The following SEC14L4 variants were observed in gnomAD, a reference collection of about 807,000 sequenced individuals.
The protein encoded by SEC14L4 is SEC14 like lipid binding 4, also known as SEC14-like protein 4.
SEC14L4 carries 42 observed loss-of-function variants against 55.1 expected under a neutral mutation model. That is an observed-to-expected ratio of 0.76 (90% CI 0.60 to 0.99). SEC14L4 has a LOEUF of 0.99. Ranked by LOEUF, SEC14L4 falls within the 50% of genes least tolerant of loss-of-function variation. The pLI is 0.00. For missense variants in SEC14L4, 445 were observed against 512.1 expected, an observed-to-expected ratio of 0.87 and a Z score of 1.27; for synonymous variants, 206 against 206.8, an observed-to-expected ratio of 1.00 and a Z score of 0.03.
In SEC14L4 at chr22:30,492,468, GC is replaced by G. The variant is rs772988848; in HGVS notation, c.664+5del. 2 of 1,611,678 alleles carry G rather than the reference GC, an allele frequency of 1.2e-6. No individual in the cohort carries two copies. Among genetic ancestry groups the G allele is most frequent in the African/African-American group, 2.7e-5 (2 of 74,874 alleles). On this transcript the variant is annotated splice_donor_5th_base_variant and intron_variant, in intron 8 of 11. Coordinates refer to ENST00000255858, the MANE Select transcript of SEC14L4 (RefSeq NM_174977.4). ...ATGGACACAACCAGGGGGCCACGTC[GC>G]TCACCTCCCAGAATCACAATCTTCC...
intron 5 of SEC14L4, 68 bp downstream of exon 5, chr22:30,495,186 G>A (rs1936099051): frequency 2.1e-6 from 3 of 1,424,382 alleles, no homozygotes; most frequent in African/African-American, 2.8e-5. Context: ...GGGGCAGGGT[G>A]CCACCCTTCT....
In SEC14L4 at chr22:30,495,518, G is replaced by A. The variant is rs1423634609; in HGVS notation, c.234+65C>T. 3.1e-6 allele frequency: 5 copies of A among 1,608,110 alleles called. No homozygotes were observed. In the Admixed American group the frequency reaches 6.7e-5, roughly 21 times the overall value. ...CCTACTCCATCAGGTGGCTGGACGT[G>A]GTAGGTGGGAGATGTCAGGGGTGAG... On this transcript the variant is annotated intron_variant, in intron 4 of 11. Transcript: ENST00000255858.
At chr22:30,494,777 T>C in intron 6 of SEC14L4, 89 bp downstream of exon 6, 1 of 854,600 alleles carries the variant, frequency 1.2e-6, no homozygotes, top group Non-Finnish European at 2.0e-6. Flanking sequence ...CACCCCTCTA[T>C]CTCACTGGAT....
At chr22:30,490,276 A>G (rs1935910387) in intron 11 of SEC14L4, 30 bp from the exon 12 acceptor site, 10 of 1,609,236 alleles carry the variant, frequency 6.2e-6, no homozygotes, top group South Asian at 2.2e-5. Flanking sequence ...ATCAGGGAGC[A>G]CAAACCCCGC....
At chr22:30,493,768 C>A (rs558904379) in intron 7 of SEC14L4, among the ~76,000 whole-genome samples, 1 of 152,262 alleles carries the variant, frequency 6.6e-6, no homozygotes, top group South Asian at 2.1e-4. Flanking sequence ...CTGTGGGAGG[C>A]CGAAGTGGCT....
At chr22:30,502,174 G>GA (rs921731542) in intron 2 of SEC14L4, among the ~76,000 whole-genome samples, 6 of 150,732 alleles carry the variant, frequency 4.0e-5, no homozygotes, top group South Asian at 2.1e-4. Flanking sequence ...CCAAAATATT[G>GA]AAAAAAAACA....
intron 2 of SEC14L4, among the ~76,000 whole-genome samples, chr22:30,501,832 T>C (rs974179469): frequency 3.4e-5 from 4 of 118,564 alleles, no homozygotes; most frequent in Admixed American, 1.0e-4. Flanking sequence ...TATATATATA[T>C]ACACACACAC....
rs76073588 is a variant in SEC14L4 at position 30,491,568 on chromosome 22, C to G, written c.1081+5G>C. ...AACAATTCCAGTAAACCCCGCAGCT[C>G]TTACAGACGCCAGCCTGGAGGCAGG... On this transcript the variant is annotated splice_donor_5th_base_variant and intron_variant, in intron 11 of 11. Coordinates refer to ENST00000255858, the MANE Select transcript of SEC14L4 (RefSeq NM_174977.4). 6.2e-7 allele frequency: 1 copy of G among 1,614,096 alleles called. No individual in the cohort carries two copies. The highest frequency in any genetic ancestry group is 1.1e-5 in the South Asian group (1 of 91,078).
intron 2 of SEC14L4, among the ~76,000 whole-genome samples, chr22:30,502,476 C>T (rs1405610709): frequency 1.3e-5 from 2 of 152,202 alleles, no homozygotes; most frequent in East Asian, 3.8e-4. Flanking sequence ...TGACTTCTCA[C>T]TCATCTCAAG....
At position 30,492,547 on chromosome 22, in the gene SEC14L4, C is replaced by G; in HGVS notation, c.591G>C (p.Leu197=). 6.2e-7 allele frequency: 1 copy of G among 1,613,096 alleles called. No homozygotes were observed. Residue 197 remains leucine, a synonymous_variant, in exon 8 of 12, where the codon CTG becomes CTC. Transcript: ENST00000255858. ...KNLIVIRAPK[L]FPVAFNLVKS... The stretch of plus-strand genomic sequence containing the variant: ...TGACCAAGTTGAAGGCCACGGGGAA[C>G]AGTTTTGGGGCTGAAACACATGTAA...
intron 2 of SEC14L4, among the ~76,000 whole-genome samples, chr22:30,500,106 G>A (rs5753170): frequency 0.051 from 7,702 of 152,102 alleles, 272 homozygotes; most frequent in East Asian, 0.12. Flanking sequence ...CCGACCTCAG[G>A]TGATCCGCCC....
At position 30,503,909 on chromosome 22, in the gene SEC14L4, C is replaced by G. The variant is rs552971362; in HGVS notation, c.55-157G>C. ...GACTTTGCCATCTGAAAATAGGGCA[C>G]CCTCCAGCCCAACATAGGAAAAAGA... On this transcript the variant is annotated intron_variant, in intron 1 of 11. Coordinates refer to ENST00000255858, the MANE Select transcript of SEC14L4 (RefSeq NM_174977.4). 1.2e-4 allele frequency: 62 copies of G among 533,852 alleles called. No homozygotes were observed. The South Asian group carries it at 1.6e-3, about 14-fold the overall frequency. 33.1% of individuals were successfully genotyped at this position (533,852 alleles called of 1,614,324 possible). A position where few individuals can be genotyped will look rare whatever the true frequency, so the allele number is the denominator to read the frequency against.
Position 30,490,147 on chromosome 22 carries a change from A to T in SEC14L4, c.1181T>A (p.Leu394Gln). 1 of 1,614,168 alleles carries T rather than the reference A, an allele frequency of 6.2e-7. No homozygotes were observed. The highest frequency in any genetic ancestry group is 8.5e-7 in the Non-Finnish European group (1 of 1,180,008). The change falls in exon 12 of 12, where the codon CTG becomes CAG. Residue 394 changes from leucine (L) to glutamine (Q), a missense_variant. Coordinates refer to ENST00000255858, the MANE Select transcript of SEC14L4 (RefSeq NM_174977.4). ...LLPDKASEET[L>Q]QSLKAMRPSP... is the part of the protein sequence containing the mutation. ...GGGTCTCATCGCCTTGAGACTCTGC[A>T]GCGTCTCCTCAGAGGCCTTGTCGGG...
chr22:30,496,097 A>G, intron 2 of SEC14L4, 126 bp from the exon 3 acceptor site: 3 of 672,764 alleles, frequency 4.5e-6, no homozygotes, highest in Non-Finnish European at 7.7e-6. Context: ...TACATTGAAC[A>G]TCTAGAAATG....
intron 2 of SEC14L4, among the ~76,000 whole-genome samples, chr22:30,499,327 C>T (rs1936248381): frequency 6.6e-6 from 1 of 151,136 alleles, no homozygotes; most frequent in Non-Finnish European, 1.5e-5. Context: ...AGGTGATCCG[C>T]CTGCTTCGGC....
rs1935897094 is a variant in SEC14L4, at chr22:30,489,982, G to T, written c.*125C>A. On this transcript the variant is annotated 3_prime_UTR_variant, in exon 12 of 12. Coordinates refer to ENST00000255858, the MANE Select transcript of SEC14L4 (RefSeq NM_174977.4). Reference sequence around the variant, plus strand: ...GTGCCAGGTGAGCCTACAATGAGATGAAATGGTGACGTGGGACAAGTGGCT... The same window carrying T: ...GTGCCAGGTGAGCCTACAATGAGATTAAATGGTGACGTGGGACAAGTGGCT... The T allele has an allele frequency of 1.3e-6, 2 of 1,555,764 alleles. No individual in the cohort carries two copies. Among genetic ancestry groups the T allele is most frequent in the Non-Finnish European group, 1.7e-6 (2 of 1,148,898 alleles).
chr22:30,490,282 C>A (rs760546322), intron 11 of SEC14L4, 36 bp from the exon 12 acceptor site: 2 of 1,608,274 alleles, frequency 1.2e-6, no homozygotes, highest in Non-Finnish European at 8.5e-7. Flanking sequence ...GAGCACAAAC[C>A]CCGCACATCT....
intron 2 of SEC14L4, among the ~76,000 whole-genome samples, chr22:30,497,110 G>A (rs529280509): frequency 6.6e-5 from 10 of 152,106 alleles, no homozygotes; most frequent in African/African-American, 9.6e-5. Context: ...AGACCAAGGC[G>A]GGCAGATCAC....
In SEC14L4 at chr22:30,502,118, G is replaced by A. The variant is rs542930439; in HGVS notation, c.130+1559C>T. 9.2e-5 allele frequency among the ~76,000 whole-genome samples: 14 copies of A among 151,540 alleles called. 1 individual carries two copies. The South Asian group carries it at 1.9e-3, about 20-fold the overall frequency. The stretch of plus-strand genomic sequence containing the variant: ...TGGCCTCAAGTGATCTGCCCGCCTC[G>A]GCCTCCCAAAGTGCTGGGATTACAA... On this transcript the variant is annotated intron_variant, in intron 2 of 11. Coordinates refer to ENST00000255858, the MANE Select transcript of SEC14L4 (RefSeq NM_174977.4).
Sources: allele counts gnomAD v4.1 joint callset (sites outside exome capture counted in the v4.1 genomes callset), GRCh38; gene constraint gnomAD v4.1.1; transcripts MANE v1.5; gene names NCBI Gene and HGNC (gene_info 2026-07-23, HGNC 2026-07-21).